The following RAB38 variants were observed in gnomAD, a reference collection of about 807,000 sequenced individuals.
The protein encoded by RAB38 is RAB38, member RAS oncogene family.
Under a neutral mutation model 18.4 loss-of-function variants are expected in RAB38, and 15 were observed. That is an observed-to-expected ratio of 0.82 (90% CI 0.55 to 1.26). The LOEUF (loss-of-function observed/expected upper bound fraction) is 1.26. Ranked by LOEUF, RAB38 falls within the 50% of genes most tolerant of loss-of-function variation. The pLI, the probability that RAB38 is intolerant of heterozygous loss-of-function variation, is 0.00. For synonymous variants in RAB38, 101 were observed against 104.4 expected, an observed-to-expected ratio of 0.97 and a Z score of 0.20; for missense variants, 294 against 267.4, an observed-to-expected ratio of 1.10 and a Z score of -0.69.
At chr11:87,828,756 T>C in the RAB38 span, among the ~76,000 whole-genome samples, 1 of 152,166 alleles carries the variant, frequency 6.6e-6, no homozygotes, top group Non-Finnish European at 1.5e-5. Flanking sequence ...TGTAATTACT[T>C]TTTTTCAATT....
chr11:88,085,506 T>C, the RAB38 span, among the ~76,000 whole-genome samples: 9 of 151,938 alleles, frequency 5.9e-5, no homozygotes, highest in Non-Finnish European at 1.2e-4. Flanking sequence ...GTAACTACCT[T>C]GTCTAAATGG....
At chr11:87,964,912 C>T in the RAB38 span, among the ~76,000 whole-genome samples, 7 of 152,146 alleles carry the variant, frequency 4.6e-5, no homozygotes, top group Admixed American at 1.3e-4. Flanking sequence ...ACAGCTTTCT[C>T]GCTCACTTGC....
chr11:88,082,646 C>A, the RAB38 span, among the ~76,000 whole-genome samples: 1 of 152,006 alleles, frequency 6.6e-6, no homozygotes, highest in South Asian at 2.1e-4. Context: ...AATCCCACAT[C>A]TCCATTCATC....
At chr11:87,957,153 A>T in the RAB38 span, among the ~76,000 whole-genome samples, 3 of 152,116 alleles carry the variant, frequency 2.0e-5, no homozygotes, top group Non-Finnish European at 4.4e-5. Context: ...CCACAAATTG[A>T]TTCCCCCTTT....
chr11:87,842,231 G>T, the RAB38 span, among the ~76,000 whole-genome samples: 3 of 152,144 alleles, frequency 2.0e-5, no homozygotes, highest in East Asian at 1.9e-4. Context: ...GACATGGAAG[G>T]CCACAACACT....
chr11:87,950,031 C>T, the RAB38 span, among the ~76,000 whole-genome samples: 1 of 152,144 alleles, frequency 6.6e-6, no homozygotes, highest in African/African-American at 2.4e-5. Context: ...GTCTAAGTTT[C>T]TTTGTAGGTC....
the RAB38 span, among the ~76,000 whole-genome samples, chr11:87,949,765 T>C: frequency 6.6e-6 from 1 of 152,240 alleles, no homozygotes; most frequent in Non-Finnish European, 1.5e-5. Context: ...CAGTTTGTTA[T>C]AATTTTTGTT....
At chr11:87,901,764 A>G in the RAB38 span, among the ~76,000 whole-genome samples, 1 of 151,576 alleles carries the variant, frequency 6.6e-6, no homozygotes, top group Non-Finnish European at 1.5e-5. Context: ...ATTCCATTAT[A>G]AAAAGGGCTT....
At chr11:88,049,920 A>G in the RAB38 span, among the ~76,000 whole-genome samples, 5 of 152,368 alleles carry the variant, frequency 3.3e-5, no homozygotes, top group African/African-American at 1.2e-4. Flanking sequence ...CAGCTTTTTC[A>G]CACAGTTCTC....
chr11:87,914,380 G>A, the RAB38 span, among the ~76,000 whole-genome samples: 1 of 152,094 alleles, frequency 6.6e-6, no homozygotes, highest in Non-Finnish European at 1.5e-5. Context: ...TGTTCACGCT[G>A]TAGGGCCCTG....
At chr11:88,075,843 T>G in the RAB38 span, among the ~76,000 whole-genome samples, 1 of 151,176 alleles carries the variant, frequency 6.6e-6, no homozygotes, top group South Asian at 2.1e-4. Flanking sequence ...ATTTCACTGT[T>G]GTACTCCAGC....
chr11:88,022,820 C>G, the RAB38 span, among the ~76,000 whole-genome samples: 1 of 152,038 alleles, frequency 6.6e-6, no homozygotes, highest in Admixed American at 6.6e-5. Flanking sequence ...GATTCCATGT[C>G]TTTACTATTG....
At chr11:87,965,659 G>A in the RAB38 span, among the ~76,000 whole-genome samples, 1 of 152,146 alleles carries the variant, frequency 6.6e-6, no homozygotes, top group Non-Finnish European at 1.5e-5. Flanking sequence ...GACATAGATG[G>A]TGAAATGTGG....
intron 1 of RAB38, among the ~76,000 whole-genome samples, chr11:88,172,622 G>A (rs560136838): frequency 8.5e-5 from 13 of 152,238 alleles, no homozygotes; most frequent in Admixed American, 4.6e-4. Flanking sequence ...CACTAAGGAC[G>A]GAGAGATGCA....
the RAB38 span, among the ~76,000 whole-genome samples, chr11:88,007,300 T>C: frequency 6.6e-6 from 1 of 151,910 alleles, no homozygotes; most frequent in East Asian, 1.9e-4. Context: ...CATTCTGTCA[T>C]AATTTAAAAC....
At chr11:88,031,708 C>A in the RAB38 span, among the ~76,000 whole-genome samples, 3 of 151,264 alleles carry the variant, frequency 2.0e-5, no homozygotes, top group African/African-American at 7.3e-5. Flanking sequence ...AACTACAAAC[C>A]ACTGCTCAAG....
intron 1 of RAB38, among the ~76,000 whole-genome samples, chr11:88,152,760 A>T (rs957966662): frequency 2.0e-5 from 3 of 152,192 alleles, no homozygotes; most frequent in African/African-American, 7.2e-5. Flanking sequence ...TTTACTTTTT[A>T]AAAAAATGAC....
chr11:87,819,720 GTATGTATATATATGTGTA>G, the RAB38 span, among the ~76,000 whole-genome samples: 20 of 4,464 alleles, frequency 4.5e-3, no homozygotes, highest in African/African-American at 0.015. Context: ...ATATATACGT[GTATGTATATATATGTGTA>G]TATATATATA....
At chr11:87,865,387 T>C in the RAB38 span, among the ~76,000 whole-genome samples, 1 of 151,518 alleles carries the variant, frequency 6.6e-6, no homozygotes, top group Admixed American at 6.6e-5. Flanking sequence ...ACAAAGGTCA[T>C]AGAGGAGAGA....
Sources: gnomAD v4.1 joint callset for allele counts (sites outside exome capture counted in the v4.1 genomes callset) on GRCh38, gnomAD v4.1.1 for gene constraint, MANE v1.5 for transcripts, NCBI Gene and HGNC (gene_info 2026-07-23, HGNC 2026-07-21) for gene names.